Variants in SPPL3 observed in about 807,000 individuals in gnomAD.
The protein encoded by SPPL3 is signal peptide peptidase like 3, also known as signal peptide peptidase-like 3.
SPPL3 carries 5 observed loss-of-function variants against 42.4 expected under a neutral mutation model. That is an observed-to-expected ratio of 0.12 (90% CI 0.06 to 0.25). The LOEUF is 0.25. SPPL3 is among the 10% of genes least tolerant of loss of function. The pLI is 1.00. For missense variants in SPPL3, 235 were observed against 489.0 expected (o/e 0.48, Z 4.90); for synonymous variants, 195 against 181.8 (o/e 1.07, Z -0.58).
At chr12:120,901,522 C>T (rs928382894) in intron 1 of SPPL3, among the ~76,000 whole-genome samples, 2 of 138,788 alleles carry the variant, frequency 1.4e-5, no homozygotes, top group Non-Finnish European at 3.0e-5. Flanking sequence ...ACCCGGGAAG[C>T]GGAGGCTGCA....
At chr12:120,818,416 T>C (rs942264599) in intron 1 of SPPL3, among the ~76,000 whole-genome samples, 1 of 152,208 alleles carries the variant, frequency 6.6e-6, no homozygotes, top group Non-Finnish European at 1.5e-5. Flanking sequence ...TTACCAGAAA[T>C]GTCTCTCATA....
chr12:120,814,089 A>G (rs1566049387), intron 1 of SPPL3, among the ~76,000 whole-genome samples: 3 of 152,196 alleles, frequency 2.0e-5, no homozygotes, highest in South Asian at 4.1e-4. Flanking sequence ...GGAGGGATAC[A>G]CCAAAAAAAA....
intron 1 of SPPL3, among the ~76,000 whole-genome samples, chr12:120,892,897 G>A (rs924635799): frequency 6.6e-6 from 1 of 150,546 alleles, no homozygotes; most frequent in Non-Finnish European, 1.5e-5. Context: ...CAGGAGAATG[G>A]CGTGAACCCG....
At chr12:120,862,566 G>A (rs1048849258) in intron 1 of SPPL3, among the ~76,000 whole-genome samples, 32 of 152,280 alleles carry the variant, frequency 2.1e-4, no homozygotes, top group African/African-American at 7.5e-4. Context: ...TATTATAAAG[G>A]ATACAACTCA....
At chr12:120,794,072 T>C (rs1230602118) in intron 2 of SPPL3, among the ~76,000 whole-genome samples, 1 of 152,232 alleles carries the variant, frequency 6.6e-6, no homozygotes, top group East Asian at 1.9e-4. Context: ...ATTTTGAAGA[T>C]CTTTTATTAG....
intron 1 of SPPL3, among the ~76,000 whole-genome samples, chr12:120,900,350 G>A (rs1050351061): frequency 2.6e-5 from 4 of 151,656 alleles, no homozygotes; most frequent in African/African-American, 9.7e-5. Flanking sequence ...TGTTGCTCAC[G>A]CCTATAATCC....
intron 6 of SPPL3, among the ~76,000 whole-genome samples, chr12:120,775,181 C>T (rs1016394251): frequency 1.3e-5 from 2 of 152,162 alleles, no homozygotes; most frequent in East Asian, 3.9e-4. Flanking sequence ...GGCAGAGTCT[C>T]ACTCTGTTGC....
intron 1 of SPPL3, among the ~76,000 whole-genome samples, chr12:120,812,139 A>ATT (rs1310248204): frequency 2.1e-5 from 3 of 143,784 alleles, no homozygotes; most frequent in Non-Finnish European, 3.1e-5. Flanking sequence ...GGAGGAACAG[A>ATT]TTTTTTTTTT....
intron 1 of SPPL3, among the ~76,000 whole-genome samples, chr12:120,828,458 G>A (rs1366331302): frequency 3.3e-5 from 5 of 151,354 alleles, no homozygotes; most frequent in African/African-American, 1.2e-4. Flanking sequence ...ATAGAAGGAA[G>A]GAAGTAATAC....
intron 6 of SPPL3, among the ~76,000 whole-genome samples, chr12:120,781,323 AG>A (rs1232912151): frequency 6.6e-6 from 1 of 152,128 alleles, no homozygotes; most frequent in Non-Finnish European, 1.5e-5. Flanking sequence ...ATTCTGTTCT[AG>A]GAATTTCATG....
At chr12:120,775,405 G>A (rs896559014) in intron 6 of SPPL3, among the ~76,000 whole-genome samples, 25 of 152,108 alleles carry the variant, frequency 1.6e-4, no homozygotes, top group Non-Finnish European at 2.4e-4. Context: ...GCCCACCTTC[G>A]CCTCCCAAAG....
intron 2 of SPPL3, among the ~76,000 whole-genome samples, chr12:120,801,980 T>G (rs966256400): frequency 6.6e-6 from 1 of 152,226 alleles, no homozygotes; most frequent in Non-Finnish European, 1.5e-5. Context: ...TATATTAATA[T>G]TCTGTGAGTG....
intron 7 of SPPL3, chr12:120,768,696 G>A (rs1868996362): frequency 3.0e-6 from 2 of 661,118 alleles, no homozygotes; most frequent in South Asian, 2.0e-5. Flanking sequence ...CTGACGGGGT[G>A]GCCCCCACTG....
chr12:120,857,330 G>A (rs1461116883), intron 1 of SPPL3, among the ~76,000 whole-genome samples: 1 of 152,182 alleles, frequency 6.6e-6, no homozygotes, highest in African/African-American at 2.4e-5. Context: ...AACAACAGAT[G>A]CTGGCGAGGC....
chr12:120,891,387 T>C (rs1873636459), intron 1 of SPPL3, among the ~76,000 whole-genome samples: 1 of 152,166 alleles, frequency 6.6e-6, no homozygotes, highest in Non-Finnish European at 1.5e-5. Flanking sequence ...GCTATATCTA[T>C]TAACTTTAAA....
In SPPL3 at chr12:120,816,513, T is replaced by C. The variant is rs556444241; in HGVS notation, c.24-5627A>G. ...TTCAAACTATCATTATAAAAGTTTT[T>C]GTTGTTGTTTCTTTTTGGAGACAGG... On this transcript the variant is annotated intron_variant, in intron 1 of 10. Transcript: ENST00000353487. Among the ~76,000 whole-genome samples, 21 of 152,358 alleles carry C rather than the reference T, an allele frequency of 1.4e-4. No homozygotes were observed. In the East Asian group the frequency reaches 3.9e-3, roughly 28 times the overall value.
intron 1 of SPPL3, among the ~76,000 whole-genome samples, chr12:120,879,906 G>A (rs1384269219): frequency 4.0e-5 from 6 of 151,396 alleles, no homozygotes; most frequent in African/African-American, 1.5e-4. Flanking sequence ...TTTCAATAAA[G>A]TTGCAATCTG....
intron 6 of SPPL3, among the ~76,000 whole-genome samples, chr12:120,777,523 C>T (rs2136973670): frequency 6.6e-6 from 1 of 152,280 alleles, no homozygotes; most frequent in East Asian, 1.9e-4. Context: ...ATGCACATAG[C>T]TGTCACTTTA....
chr12:120,806,339 A>G (rs1870488728), intron 2 of SPPL3, among the ~76,000 whole-genome samples: 1 of 151,986 alleles, frequency 6.6e-6, no homozygotes, highest in Non-Finnish European at 1.5e-5. Flanking sequence ...CTGGGATTAC[A>G]GGTACATGCC....
Sources: allele counts gnomAD v4.1 joint callset (sites outside exome capture counted in the v4.1 genomes callset), GRCh38; gene constraint gnomAD v4.1.1; transcripts MANE v1.5; gene names NCBI Gene and HGNC (gene_info 2026-07-23, HGNC 2026-07-21).